Variants in CDH4 observed in about 807,000 individuals in gnomAD.
The protein encoded by CDH4 is cadherin 4.
Under a neutral mutation model 86.0 loss-of-function variants are expected in CDH4, and 33 were observed. The ratio of observed to expected loss-of-function variants is 0.38; its 90% confidence interval spans 0.29 to 0.51. The LOEUF is 0.51. CDH4 is among the 20% of genes least tolerant of loss of function. CDH4 has a pLI of 0.86. For missense variants in CDH4, 1,114 were observed against 1,307.4 expected (o/e 0.85, Z 2.28); for synonymous variants, 555 against 549.4 (o/e 1.01, Z -0.14).
chr20:61,850,061 G>A (rs1001058901), intron 5 of CDH4, among the ~76,000 whole-genome samples: 3 of 152,244 alleles, frequency 2.0e-5, no homozygotes, highest in Non-Finnish European at 4.4e-5. Flanking sequence ...CCTAAAGCCA[G>A]CCTGTAAACA....
Position 61,873,918 on chromosome 20 carries a change from C to G in CDH4, c.1050+18C>G, listed in dbSNP as rs1290837380. 3.7e-6 allele frequency: 6 copies of G among 1,610,792 alleles called. No homozygotes were observed. The highest frequency in any genetic ancestry group is 1.7e-5 in the Admixed American group (1 of 59,926). ...ACCGAGAGGTGAGGCGGGGTGGGGT[C>G]TGCGTGCAGGCGGGTGAGCTCCTGG... is the stretch of plus-strand genomic sequence containing the variant. On this transcript the variant is annotated intron_variant, in intron 7 of 15. Coordinates refer to ENST00000614565, the MANE Select transcript of CDH4 (RefSeq NM_001794.5).
intron 2 of CDH4, among the ~76,000 whole-genome samples, chr20:61,257,396 G>A (rs556329522): frequency 7.2e-5 from 11 of 152,222 alleles, no homozygotes; most frequent in Non-Finnish European, 1.3e-4. Flanking sequence ...TGCTAATTAG[G>A]CTGGAAATAG....
chr20:61,674,834 T>C (rs1363158486), intron 2 of CDH4, among the ~76,000 whole-genome samples: 1 of 152,240 alleles, frequency 6.6e-6, no homozygotes, highest in Non-Finnish European at 1.5e-5. Context: ...ACTGTGGTCG[T>C]CAGCAACCTA....
chr20:61,654,717 C>CGAATTCT (rs2087168099), intron 2 of CDH4, among the ~76,000 whole-genome samples: 1 of 152,252 alleles, frequency 6.6e-6, no homozygotes. Context: ...AAGCAGGATA[C>CGAATTCT]GAATTCTGTA....
intron 2 of CDH4, among the ~76,000 whole-genome samples, chr20:61,650,927 T>G (rs1483890418): frequency 6.6e-6 from 1 of 152,260 alleles, no homozygotes; most frequent in East Asian, 1.9e-4. Flanking sequence ...GGCCCCATAT[T>G]TATTTCCACC....
rs368610542 is a variant in CDH4, at chr20:61,825,194, G to A, written c.577-19474G>A. Among the ~76,000 whole-genome samples the A allele has an allele frequency of 1.1e-4, 17 of 152,184 alleles. No homozygotes were observed. In the South Asian group the frequency reaches 3.3e-3, roughly 30 times the overall value. ...AGGCCAAGGTGGGTGGATCAGTTGA[G>A]GCCAGGAGTTCGAGACCAGCTGGGC... On this transcript the variant is annotated intron_variant, in intron 4 of 15. Transcript: ENST00000614565.
intron 15 of CDH4, among the ~76,000 whole-genome samples, chr20:61,935,695 G>C (rs1001380510): frequency 1.3e-5 from 2 of 152,058 alleles, no homozygotes; most frequent in African/African-American, 4.8e-5. Context: ...AGACCAGACT[G>C]GCCAACATGG....
At chr20:61,468,657 T>C (rs949535511) in intron 2 of CDH4, among the ~76,000 whole-genome samples, 1 of 152,152 alleles carries the variant, frequency 6.6e-6, no homozygotes, top group Non-Finnish European at 1.5e-5. Context: ...CTAACTACTT[T>C]TTTGTACCCA....
chr20:61,620,825 C>T (rs1053260446), intron 2 of CDH4, among the ~76,000 whole-genome samples: 1 of 152,192 alleles, frequency 6.6e-6, no homozygotes, highest in Non-Finnish European at 1.5e-5. Flanking sequence ...ACACATTCTC[C>T]CTGGCCATGC....
intron 4 of CDH4, among the ~76,000 whole-genome samples, chr20:61,774,856 C>T (rs201846261): frequency 6.6e-6 from 1 of 152,198 alleles, no homozygotes; most frequent in African/African-American, 2.4e-5. Context: ...GACATGATCT[C>T]GTTCCTTTTT....
chr20:61,540,180 C>T (rs192857551), intron 2 of CDH4, among the ~76,000 whole-genome samples: 21 of 152,252 alleles, frequency 1.4e-4, no homozygotes, highest in East Asian at 5.8e-4. Context: ...ACCTGATGGG[C>T]GGACGAATGC....
chr20:61,578,501 T>G (rs2086401664), intron 2 of CDH4, among the ~76,000 whole-genome samples: 1 of 152,320 alleles, frequency 6.6e-6, no homozygotes, highest in Non-Finnish European at 1.5e-5. Context: ...AACCATCATT[T>G]ACAGTTCATC....
chr20:61,790,946 T>TCATCCATCCACCCATC, intron 4 of CDH4, among the ~76,000 whole-genome samples: 1 of 152,150 alleles, frequency 6.6e-6, no homozygotes, highest in Non-Finnish European at 1.5e-5. Context: ...ATTCATCCAT[T>TCATCCATCCACCCATC]CATCCATCCA....
At chr20:61,730,839 G>C (rs2088170809) in intron 2 of CDH4, among the ~76,000 whole-genome samples, 1 of 152,226 alleles carries the variant, frequency 6.6e-6, no homozygotes, top group Admixed American at 6.5e-5. Context: ...TGGTGCTGGG[G>C]GCAGGGCCTG....
intron 2 of CDH4, among the ~76,000 whole-genome samples, chr20:61,692,934 A>G (rs1363302073): frequency 6.6e-6 from 1 of 151,866 alleles, no homozygotes; most frequent in Non-Finnish European, 1.5e-5. Context: ...CCTTGAAGCT[A>G]GTTGTGTGAG....
At chr20:61,419,241 G>T (rs974701580) in intron 2 of CDH4, among the ~76,000 whole-genome samples, 5 of 152,150 alleles carry the variant, frequency 3.3e-5, no homozygotes, top group African/African-American at 1.2e-4. Context: ...GAGAGCAGAG[G>T]CGGCCGCTTT....
chr20:61,256,578 G>A (rs1050489260), intron 2 of CDH4, among the ~76,000 whole-genome samples: 14 of 152,136 alleles, frequency 9.2e-5, no homozygotes, highest in Non-Finnish European at 1.6e-4. Context: ...GCCGGATGTC[G>A]GCCTGGCCCC....
At chr20:61,475,065 G>A (rs192385197) in intron 2 of CDH4, among the ~76,000 whole-genome samples, 3 of 152,226 alleles carry the variant, frequency 2.0e-5, no homozygotes, top group Admixed American at 6.5e-5. Flanking sequence ...TGATTATGGC[G>A]ATCCCACATA....
At chr20:61,698,508 G>C (rs1186601263) in intron 2 of CDH4, among the ~76,000 whole-genome samples, 1 of 152,272 alleles carries the variant, frequency 6.6e-6, no homozygotes, top group African/African-American at 2.4e-5. Flanking sequence ...GGTGCCCGCA[G>C]AGGGCACGGG....
Sources: gnomAD v4.1 joint callset for allele counts (sites outside exome capture counted in the v4.1 genomes callset) on GRCh38, gnomAD v4.1.1 for gene constraint, MANE v1.5 for transcripts, NCBI Gene and HGNC (gene_info 2026-07-23, HGNC 2026-07-21) for gene names.